SLAMF9: variants seen among roughly 807,000 people sequenced by gnomAD.
SLAMF9 encodes the protein CD2 family member 10.
A neutral mutation model predicts 30.4 loss-of-function variants in SLAMF9; 25 were observed. The observed-to-expected ratio is 0.82, with a 90% CI of 0.60 to 1.15. SLAMF9 has a LOEUF of 1.15. Ranked by LOEUF, SLAMF9 falls within the 50% of genes most tolerant of loss-of-function variation. The pLI is 0.00. For synonymous variants in SLAMF9, 129 were observed against 127.2 expected, an observed-to-expected ratio of 1.01 and a Z score of -0.09; for missense variants, 344 against 346.1, an observed-to-expected ratio of 0.99 and a Z score of 0.05.
the SLAMF9 span, among the ~76,000 whole-genome samples, chr1:159,979,929 AGGAACT>A: frequency 6.6e-6 from 1 of 152,174 alleles, no homozygotes; most frequent in Admixed American, 6.5e-5. Context: ...CTGTACATGA[AGGAACT>A]GGCTCAGAGA....
chr1:159,968,289 T>G, the SLAMF9 span, among the ~76,000 whole-genome samples: 1 of 152,240 alleles, frequency 6.6e-6, no homozygotes, highest in Admixed American at 6.5e-5. Flanking sequence ...CTTACTCTTT[T>G]GAGAACTGTT....
At chr1:159,954,490 G>T (rs1041010179), upstream of SLAMF9, among the ~76,000 whole-genome samples, 2 of 152,122 alleles carry the variant, frequency 1.3e-5, no homozygotes, top group African/African-American at 4.8e-5. Flanking sequence ...CGAACTCGTA[G>T]AACATTCCCT....
the SLAMF9 span, chr1:159,974,144 G>A: frequency 4.8e-6 from 5 of 1,040,842 alleles, no homozygotes; most frequent in Admixed American, 8.0e-5. Flanking sequence ...CCAGCCTAAG[G>A]CCTCTGCTGG....
chr1:159,973,164 A>G, the SLAMF9 span: 1 of 1,530,002 alleles, frequency 6.5e-7, no homozygotes, highest in Admixed American at 1.7e-5. Flanking sequence ...GAAGGAGAAA[A>G]GGAGCCTCCA....
At position 159,953,571 on chromosome 1, in the gene SLAMF9, T is replaced by C. The variant is rs1651844475; in HGVS notation, c.129A>G (p.Glu43=). The part of the protein sequence containing the change: ...VLQESISLPL[E]IPPDEEVENI... ...TCTCAACCTCTTCATCTGGTGGTAT[T>C]TCCAGGGGGAGGCTGATGGACTCCT... Residue 43 remains glutamate, a synonymous_variant, in exon 2 of 4, where the codon GAA becomes GAG. Coordinates refer to ENST00000368093, the MANE Select transcript of SLAMF9 (RefSeq NM_033438.4). 7.6e-5 allele frequency: 123 copies of C among 1,614,030 alleles called. No individual in the cohort carries two copies. The highest frequency in any genetic ancestry group is 1.0e-4 in the Non-Finnish European group (123 of 1,179,996).
the SLAMF9 span, chr1:159,961,272 C>G: frequency 1.3e-5 from 2 of 152,328 alleles, no homozygotes; most frequent in African/African-American, 4.8e-5. Flanking sequence ...GCTGGTCCTG[C>G]TGTGGTGGAG....
chr1:159,954,213 G>A lies in SLAMF9; in HGVS notation c.-76C>T, dbSNP rs1048428111. 1.3e-6 allele frequency: 2 copies of A among 1,548,476 alleles called. No individual in the cohort carries two copies. Among genetic ancestry groups the A allele is most frequent in the East Asian group, 2.3e-5 (1 of 44,044 alleles). ...ACTGTGCAGAAGACTGCATTAGGAGGCTCCTAGACACAAAGAGCCTGACTG... is the reference window on the plus strand; with the variant it reads ...ACTGTGCAGAAGACTGCATTAGGAGACTCCTAGACACAAAGAGCCTGACTG... On this transcript the variant is annotated 5_prime_UTR_variant, in exon 1 of 4. Coordinates refer to ENST00000368093, the MANE Select transcript of SLAMF9 (RefSeq NM_033438.4).
the SLAMF9 span, chr1:159,977,006 G>GAGAA: frequency 9.9e-6 from 1 of 101,486 alleles, no homozygotes; most frequent in African/African-American, 3.9e-5. Context: ...AAGAAAGAAA[G>GAGAA]AGAAAGAAAG....
chr1:159,962,616 C>T, the SLAMF9 span, among the ~76,000 whole-genome samples: 4 of 151,932 alleles, frequency 2.6e-5, no homozygotes, highest in South Asian at 8.3e-4. Flanking sequence ...AGATGGGCCT[C>T]GGCTATAATG....
At chr1:159,976,918 A>T in the SLAMF9 span, 338 of 1,424 alleles carry the variant, frequency 0.24, 3 homozygotes, top group African/African-American at 0.26. Context: ...GAAAAAAAGA[A>T]AGAAAGAAAG....
At chr1:159,959,031 T>C (rs112953156), upstream of SLAMF9, among the ~76,000 whole-genome samples, 637 of 152,238 alleles carry the variant, frequency 4.2e-3, 5 homozygotes, top group African/African-American at 0.014. Flanking sequence ...TAGAGGCTGG[T>C]AGTCGGGGAG....
chr1:159,966,637 T>G, the SLAMF9 span, among the ~76,000 whole-genome samples: 1 of 152,204 alleles, frequency 6.6e-6, no homozygotes, highest in Admixed American at 6.5e-5. Context: ...TTATCTTTTA[T>G]CATTTTGATA....
chr1:159,957,926 T>G (rs963821965), upstream of SLAMF9, among the ~76,000 whole-genome samples: 2 of 152,200 alleles, frequency 1.3e-5, no homozygotes, highest in Non-Finnish European at 2.9e-5. Flanking sequence ...TAAAGAGTTT[T>G]AATGTGGGGA....
chr1:159,981,433 C>G, the SLAMF9 span, among the ~76,000 whole-genome samples: 2 of 152,232 alleles, frequency 1.3e-5, no homozygotes, highest in Non-Finnish European at 2.9e-5. Flanking sequence ...ATCTGCCAAG[C>G]CTGTGATGTC....
rs1220515721 is a variant in SLAMF9, at chr1:159,952,515, C to A, written c.411G>T (p.Gln137His). ...CAGAACTCTCAAAGTTCACAGTGAT[C>A]TGGGGCTCTGACAGCCATCCTGGAT... The part of the protein sequence containing the change: ...ICVYRWLSEP[Q>H]ITVNFESSGE... The change falls in exon 3 of 4, where the codon CAG (glutamine) becomes CAT (histidine). Residue 137 changes from glutamine (Q) to histidine (H), a missense_variant. Transcript: ENST00000368093. 4 of 1,613,910 alleles carry A rather than the reference C, an allele frequency of 2.5e-6. No homozygotes were observed. The highest frequency in any genetic ancestry group is 1.1e-5 in the South Asian group (1 of 91,082).
At chr1:159,982,256 C>T in the SLAMF9 span, among the ~76,000 whole-genome samples, 77 of 152,272 alleles carry the variant, frequency 5.1e-4, no homozygotes, top group African/African-American at 1.7e-3. Context: ...GCTCAACTGT[C>T]CACTCTCTTA....
intron 1 of SLAMF9, among the ~76,000 whole-genome samples, 185 bp from the exon 2 acceptor site, chr1:159,953,838 A>C (rs2789416): frequency 0.87 from 132,676 of 152,182 alleles, 58,296 homozygotes; most frequent in East Asian, 1. Context: ...AAGCACCTAA[A>C]AGGAGTTTGC....
Position 159,951,548 on chromosome 1 carries a change from C to A in SLAMF9, c.*113G>T. On this transcript the variant is annotated 3_prime_UTR_variant, in exon 4 of 4. Coordinates refer to ENST00000368093, the MANE Select transcript of SLAMF9 (RefSeq NM_033438.4). ...CCAGTCTTCCCTCAGAAGTATGGCTCTCTGGATACCCACCCCTGAGCACCT... is the reference window on the plus strand; with the variant it reads ...CCAGTCTTCCCTCAGAAGTATGGCTATCTGGATACCCACCCCTGAGCACCT... The A allele has an allele frequency of 1.0e-6, 1 of 958,108 alleles. No individual in the cohort carries two copies. The highest frequency in any genetic ancestry group is 1.6e-6 in the Non-Finnish European group (1 of 633,514). The allele number at this position is 958,108 out of a possible 1,614,324, so 59.4% of individuals were successfully genotyped here. A position where few individuals can be genotyped will look rare whatever the true frequency, so the allele number is the denominator to read the frequency against.
intron 1 of SLAMF9, 100 bp downstream of exon 1, chr1:159,953,992 T>A: frequency 3.4e-6 from 5 of 1,450,010 alleles, no homozygotes; most frequent in Non-Finnish European, 4.8e-6. Flanking sequence ...AGCTGACACA[T>A]TCAACCCCTA....
Sources: allele counts gnomAD v4.1 joint callset (sites outside exome capture counted in the v4.1 genomes callset), GRCh38; gene constraint gnomAD v4.1.1; transcripts MANE v1.5; gene names NCBI Gene and HGNC (gene_info 2026-07-23, HGNC 2026-07-21).